NFIB: variants seen among roughly 807,000 people sequenced by gnomAD.
The protein encoded by NFIB is nuclear factor 1 B-type.
NFIB carries 11 observed loss-of-function variants against 61.5 expected under a neutral mutation model. The observed-to-expected ratio is 0.18, with a 90% CI of 0.11 to 0.30. The LOEUF is 0.30. NFIB is among the 10% of genes least tolerant of loss of function. The pLI is 1.00. For missense variants in NFIB, 471 were observed against 608.9 expected, an observed-to-expected ratio of 0.77 and a Z score of 2.38; for synonymous variants, 260 against 216.5, an observed-to-expected ratio of 1.20 and a Z score of -1.76.
chr9:14,460,895 T>G, the NFIB span, among the ~76,000 whole-genome samples: 2 of 152,058 alleles, frequency 1.3e-5, no homozygotes, highest in Non-Finnish European at 2.9e-5. Context: ...CTCCTTTCCC[T>G]ATCTTGTTCC....
intron 6 of NFIB, among the ~76,000 whole-genome samples, chr9:14,136,225 AACAG>A (rs1251383892): frequency 6.6e-6 from 1 of 152,242 alleles, no homozygotes; most frequent in African/African-American, 2.4e-5. Flanking sequence ...ATTTCATTTT[AACAG>A]ACAGACAATG....
Position 14,150,136 on chromosome 9 carries a change from T to A in NFIB, c.806+9A>T, listed in dbSNP as rs1213350368. On this transcript the variant is annotated intron_variant, in intron 5 of 10. Coordinates refer to ENST00000380953, the MANE Select transcript of NFIB (RefSeq NM_001190737.2). ...CACTTGAGAATATGAGCAGCCCTTCTTTCAGTACCTGCTTGGTGGAGAAGA... is the reference window on the plus strand; with the variant it reads ...CACTTGAGAATATGAGCAGCCCTTCATTCAGTACCTGCTTGGTGGAGAAGA... The A allele has an allele frequency of 7.4e-6, 12 of 1,613,110 alleles. No homozygotes were observed. Among genetic ancestry groups the A allele is most frequent in the Non-Finnish European group, 9.3e-6 (11 of 1,179,378 alleles).
intron 6 of NFIB, among the ~76,000 whole-genome samples, chr9:14,143,106 T>A (rs1173069343): frequency 1.3e-5 from 2 of 152,154 alleles, no homozygotes; most frequent in African/African-American, 4.8e-5. Context: ...TGGTTAGTTT[T>A]AAAATATTCA....
intron 2 of NFIB, among the ~76,000 whole-genome samples, chr9:14,280,304 A>C (rs1000936524): frequency 6.6e-6 from 1 of 152,148 alleles, no homozygotes; most frequent in African/African-American, 2.4e-5. Context: ...AGGAGATACT[A>C]ATAGATCTTG....
At chr9:14,240,101 G>C (rs1210554638) in intron 2 of NFIB, among the ~76,000 whole-genome samples, 2 of 152,086 alleles carry the variant, frequency 1.3e-5, no homozygotes, top group African/African-American at 4.8e-5. Context: ...CACTGGTCAA[G>C]TTCCAAAATT....
the NFIB span, among the ~76,000 whole-genome samples, chr9:14,465,810 G>A: frequency 6.6e-6 from 1 of 152,118 alleles, no homozygotes; most frequent in Non-Finnish European, 1.5e-5. Flanking sequence ...GGCCCATCCT[G>A]TGCACTGTAC....
chr9:14,251,025 G>C (rs2132130882), intron 2 of NFIB, among the ~76,000 whole-genome samples: 1 of 152,296 alleles, frequency 6.6e-6, no homozygotes, highest in African/African-American at 2.4e-5. Context: ...TATTCCTGAA[G>C]TATGATCAGA....
At chr9:14,245,451 A>G (rs926984576) in intron 2 of NFIB, among the ~76,000 whole-genome samples, 3 of 152,254 alleles carry the variant, frequency 2.0e-5, no homozygotes, top group Non-Finnish European at 4.4e-5. Context: ...CCAGGACAGA[A>G]CAAAACAAAA....
intron 2 of NFIB, among the ~76,000 whole-genome samples, chr9:14,286,981 A>G (rs1279608584): frequency 1.3e-5 from 2 of 152,236 alleles, no homozygotes; most frequent in Non-Finnish European, 2.9e-5. Context: ...TATGAAAATA[A>G]GAAAACCTGA....
At chr9:14,116,964 A>C (rs1348994934) in intron 8 of NFIB, among the ~76,000 whole-genome samples, 1 of 152,236 alleles carries the variant, frequency 6.6e-6, no homozygotes, top group East Asian at 1.9e-4. Context: ...TCCGAGATCT[A>C]TGGTCAACTT....
At chr9:14,368,779 T>C (rs1203795282) in intron 1 of NFIB, among the ~76,000 whole-genome samples, 1 of 152,242 alleles carries the variant, frequency 6.6e-6, no homozygotes. Context: ...AAGGTGCTTA[T>C]GTCTGCATAG....
intron 2 of NFIB, among the ~76,000 whole-genome samples, chr9:14,189,652 A>T (rs1294449576): frequency 6.6e-6 from 1 of 150,990 alleles, no homozygotes; most frequent in Non-Finnish European, 1.5e-5. Context: ...GCAAACGCTG[A>T]CAACACAGGT....
chr9:14,113,243 AG>A (rs1328090638), intron 9 of NFIB, among the ~76,000 whole-genome samples, 162 bp from the exon 10 acceptor site: 1 of 152,246 alleles, frequency 6.6e-6, no homozygotes, highest in Non-Finnish European at 1.5e-5. Context: ...GTGATAGAAA[AG>A]AAATAATAAT....
chr9:14,477,953 A>G, the NFIB span, among the ~76,000 whole-genome samples: 1 of 152,092 alleles, frequency 6.6e-6, no homozygotes, highest in South Asian at 2.1e-4. Flanking sequence ...GAACAGCTTG[A>G]ACCACCCCAC....
chr9:14,333,533 A>G (rs1463539879), intron 1 of NFIB, among the ~76,000 whole-genome samples: 1 of 152,090 alleles, frequency 6.6e-6, no homozygotes, highest in African/African-American at 2.4e-5. Flanking sequence ...GGGCACCTTT[A>G]TAGTTCAACT....
At chr9:14,346,681 T>C (rs1412108756) in intron 1 of NFIB, among the ~76,000 whole-genome samples, 1 of 152,262 alleles carries the variant, frequency 6.6e-6, no homozygotes, top group East Asian at 1.9e-4. Context: ...ATCTCGTTAA[T>C]CCTAGACAAA....
At position 14,202,301 on chromosome 9, in the gene NFIB, C is replaced by A. The variant is rs574965851; in HGVS notation, c.563-22521G>T. 5.3e-5 allele frequency among the ~76,000 whole-genome samples: 8 copies of A among 152,246 alleles called. No homozygotes were observed. The East Asian group carries it at 1.5e-3, about 29-fold the overall frequency. ...AATGTGTAAAGGTGGTATGATGGCA[C>A]AACAGCTATTGCAGCATGAAATAAT... On this transcript the variant is annotated intron_variant, in intron 2 of 10. Coordinates refer to ENST00000380953, the MANE Select transcript of NFIB (RefSeq NM_001190737.2).
chr9:14,340,815 G>A (rs1028766203), intron 1 of NFIB, among the ~76,000 whole-genome samples: 1 of 152,102 alleles, frequency 6.6e-6, no homozygotes, highest in Non-Finnish European at 1.5e-5. Flanking sequence ...TTAAGAGTAG[G>A]GCTACCTCTC....
At chr9:14,433,451 CA>C in the NFIB span, among the ~76,000 whole-genome samples, 1 of 152,226 alleles carries the variant, frequency 6.6e-6, no homozygotes, top group East Asian at 1.9e-4. Context: ...ATCATAGAAA[CA>C]AAATGTTTCC....
Sources: gnomAD v4.1 joint callset for allele counts (sites outside exome capture counted in the v4.1 genomes callset) on GRCh38, gnomAD v4.1.1 for gene constraint, MANE v1.5 for transcripts, NCBI Gene and HGNC (gene_info 2026-07-23, HGNC 2026-07-21) for gene names.